The following KPNB1 variants were observed in gnomAD, a reference collection of about 807,000 sequenced individuals.
KPNB1 encodes karyopherin subunit beta 1, also known as importin subunit beta-1.
In KPNB1, 7 loss-of-function variants were observed where a neutral mutation model predicts 113.0. The ratio of observed to expected loss-of-function variants is 0.06; its 90% CI spans 0.04 to 0.12. The LOEUF (loss-of-function observed/expected upper bound fraction) is 0.12, where lower values mean the gene tolerates loss of function less well. Among genes scored for constraint, KPNB1 ranks in the 10% least tolerant of loss-of-function variants. KPNB1 has a pLI of 1.00. For synonymous variants in KPNB1, 363 were observed against 378.6 expected (o/e 0.96, Z 0.48); for missense variants, 400 against 1,054.8 (o/e 0.38, Z 8.60).
Position 47,682,644 on chromosome 17 carries a change from A to G in KPNB1, c.*240A>G. On this transcript the variant is annotated 3_prime_UTR_variant, in exon 22 of 22. Transcript: ENST00000290158. ...TTCGTAGAAAACCATAACATCGGCC[A>G]TCTTGGAAAAGAGAAAAACAATGGA... 1.9e-6 allele frequency: 1 copy of G among 532,230 alleles called. No homozygotes were observed. The highest frequency in any genetic ancestry group is 3.3e-6 in the Non-Finnish European group (1 of 300,568). The allele number at this position is 532,230 out of a possible 1,614,324, so 33.0% of individuals were successfully genotyped here. A position where few individuals can be genotyped will look rare whatever the true frequency, so the allele number is the denominator to read the frequency against.
chr17:47,654,242 C>G (rs1412038663), intron 3 of KPNB1, among the ~76,000 whole-genome samples: 1 of 152,096 alleles, frequency 6.6e-6, no homozygotes, highest in Admixed American at 6.6e-5. Flanking sequence ...TGGCGAAACC[C>G]TGTCTCTACT....
chr17:47,681,690 T>G (rs112475736), intron 21 of KPNB1, among the ~76,000 whole-genome samples: 259 of 117,010 alleles, frequency 2.2e-3, no homozygotes, highest in Non-Finnish European at 3.3e-3. Context: ...TTATAGGTTT[T>G]TTTTTTTTTT....
chr17:47,651,069 C>G (rs1315470020), intron 2 of KPNB1: 1 of 201,738 alleles, frequency 5.0e-6, no homozygotes, highest in East Asian at 1.9e-4. Context: ...TTTCTTCTGA[C>G]CTGGATGAAT....
intron 3 of KPNB1, 22 bp downstream of exon 3, chr17:47,652,898 G>T: frequency 6.6e-7 from 1 of 1,523,428 alleles, no homozygotes; most frequent in South Asian, 1.3e-5. Flanking sequence ...TTATCTGTTT[G>T]GTTATATTGC....
At chr17:47,657,466 AGTATTTTAGAT>A (rs2029942647) in intron 4 of KPNB1, among the ~76,000 whole-genome samples, 1 of 152,340 alleles carries the variant, frequency 6.6e-6, no homozygotes, top group Non-Finnish European at 1.5e-5. Flanking sequence ...CTGGAGACAC[AGTATTTTAGAT>A]GTAGCCCCCC....
intron 2 of KPNB1, chr17:47,651,284 A>G (rs1915560774): frequency 2.0e-6 from 2 of 985,192 alleles, no homozygotes; most frequent in Non-Finnish European, 1.2e-6. Flanking sequence ...GAAACAGCCT[A>G]GATGCCAGTT....
Position 47,663,093 on chromosome 17 carries a change from G to T in KPNB1, c.701G>T (p.Arg234Leu). The T allele has an allele frequency of 1.3e-6, 2 of 1,566,174 alleles. No homozygotes were observed. Among genetic ancestry groups the T allele is most frequent in the South Asian group, 2.2e-5 (2 of 90,016 alleles). The part of the protein sequence containing the change: ...EATQCPDTRV[R>L]VAALQNLVKI... ...CTGATCTGCTGTTCATAAAAGGTAC[G>T]AGTGGCTGCTTTACAGAATCTGGTG... The change falls in exon 7 of 22, where the codon CGA becomes CTA. Residue 234 changes from arginine (R) to leucine (L), a missense_variant. Around this residue, in one of 2 missense-constraint regions of KPNB1, gnomAD observed 285 missense variants for 627.0 expected, o/e 0.45. Transcript: ENST00000290158.
At chr17:47,675,625 C>G (rs1409480604) in intron 15 of KPNB1, among the ~76,000 whole-genome samples, 1 of 151,910 alleles carries the variant, frequency 6.6e-6, no homozygotes, top group Admixed American at 6.6e-5. Context: ...CATCATGGTG[C>G]CTGGTATGGG....
In KPNB1 at chr17:47,675,369, TTTGTTTTTTTTTTTTGTTTG is replaced by T. The variant is rs1485923622; in HGVS notation, c.1912+590_1912+609del. On this transcript the variant is annotated intron_variant, in intron 15 of 21. Transcript: ENST00000290158. ...AGATTGGCAGAGGTGTTGTTTTTTT[TTTGTTTTTTTTTTTTGTTTG>T]TTTTTTTTTTGAGACTTGTTCTGTT... Among the ~76,000 whole-genome samples the T allele has an allele frequency of 5.5e-3, 641 of 116,610 alleles. 68 individuals carry two copies. In the East Asian group the frequency reaches 0.073, roughly 13 times the overall value. The allele number at this position is 116,610 out of a possible 152,430, so 76.5% of individuals were successfully genotyped here.
At chr17:47,669,370 C>T (rs559829119) in intron 10 of KPNB1, among the ~76,000 whole-genome samples, 4 of 152,280 alleles carry the variant, frequency 2.6e-5, no homozygotes, top group East Asian at 1.9e-4. Flanking sequence ...GATCTGCCTG[C>T]CTCAGCCTCC....
At position 47,650,179 on chromosome 17, in the gene KPNB1, TC is replaced by T; in HGVS notation, c.-65del. 9.0e-7 allele frequency: 1 copy of T among 1,106,294 alleles called. No homozygotes were observed. Among genetic ancestry groups the T allele is most frequent in the South Asian group, 1.9e-5 (1 of 53,194 alleles). 68.5% of individuals were successfully genotyped at this position (1,106,294 alleles called of 1,614,324 possible). Reference sequence around the variant, plus strand: ...CCGACCCCCAACCCCCATCCCCAGTTCGAGCCGCCGCCCGAAAGGCCGGGCC... The same window carrying T: ...CCGACCCCCAACCCCCATCCCCAGTTGAGCCGCCGCCCGAAAGGCCGGGCC... On this transcript the variant is annotated 5_prime_UTR_variant, in exon 1 of 22. Transcript: ENST00000290158.
intron 19 of KPNB1, chr17:47,679,782 C>T (rs1043731125): frequency 2.3e-5 from 8 of 348,708 alleles, no homozygotes; most frequent in Middle Eastern, 8.8e-4. Flanking sequence ...CTGCAAGCTC[C>T]GCCTCCTGGG....
chr17:47,681,838 A>G (rs759865101), intron 21 of KPNB1, among the ~76,000 whole-genome samples: 10 of 150,728 alleles, frequency 6.6e-5, no homozygotes, highest in African/African-American at 9.8e-5. Flanking sequence ...TTGAAATGCA[A>G]TCTTGTTTGT....
At chr17:47,655,545 C>T (rs963243441) in intron 3 of KPNB1, among the ~76,000 whole-genome samples, 3 of 152,102 alleles carry the variant, frequency 2.0e-5, no homozygotes, top group African/African-American at 7.2e-5. Context: ...TAAGTCACCC[C>T]GAATGCTGAG....
intron 15 of KPNB1, among the ~76,000 whole-genome samples, chr17:47,676,026 T>G (rs536215254): frequency 6.6e-6 from 1 of 152,196 alleles, no homozygotes; most frequent in African/African-American, 2.4e-5. Context: ...GGACCCTGTT[T>G]TGAAGCTGGC....
chr17:47,681,943 C>T (rs570419686), intron 21 of KPNB1, among the ~76,000 whole-genome samples: 1 of 152,246 alleles, frequency 6.6e-6, no homozygotes, highest in Non-Finnish European at 1.5e-5. Context: ...AGTGGCCCTC[C>T]TGCCTCAGCC....
At chr17:47,663,401 C>T (rs912566343) in intron 7 of KPNB1, among the ~76,000 whole-genome samples, 8 of 152,164 alleles carry the variant, frequency 5.3e-5, no homozygotes, top group Non-Finnish European at 2.9e-5. Context: ...CGGTGGCTAA[C>T]GCCTGTAATC....
chr17:47,669,391 G>A (rs1005409599), intron 10 of KPNB1, among the ~76,000 whole-genome samples: 1 of 152,052 alleles, frequency 6.6e-6, no homozygotes, highest in African/African-American at 2.4e-5. Flanking sequence ...CAGAGTGCTG[G>A]GATTACAGGC....
chr17:47,650,711 G>T (rs953365558), intron 2 of KPNB1, among the ~76,000 whole-genome samples: 3 of 152,208 alleles, frequency 2.0e-5, no homozygotes, highest in African/African-American at 7.2e-5. Context: ...TGAGGGCGGC[G>T]GTGCAGCGGG....
Sources: gnomAD v4.1 joint callset for allele counts (sites outside exome capture counted in the v4.1 genomes callset) on GRCh38, gnomAD v4.1.1 for gene constraint, gnomAD v4.1.1 regional missense constraint, MANE v1.5 for transcripts, NCBI Gene and HGNC (gene_info 2026-07-23, HGNC 2026-07-21) for gene names.